The following CLCN6 variants were observed in gnomAD, a reference collection of about 807,000 sequenced individuals.
CLCN6 encodes Cl-/H+ antiporter 6, also known as H(+)/Cl(-) exchange transporter 6.
CLCN6 carries 70 observed loss-of-function variants against 109.8 expected under a neutral mutation model. The observed-to-expected ratio is 0.64, with a 90% CI of 0.53 to 0.78. CLCN6 has a LOEUF of 0.78. CLCN6 is among the 30% of genes least tolerant of loss of function. The pLI is 0.00. For missense variants in CLCN6, 984 were observed against 1,142.3 expected (o/e 0.86, Z 2.00); for synonymous variants, 444 against 447.8 (o/e 0.99, Z 0.11).
At chr1:11,821,453 G>A (rs560647691) in intron 5 of CLCN6, among the ~76,000 whole-genome samples, 4 of 152,174 alleles carry the variant, frequency 2.6e-5, no homozygotes, top group Non-Finnish European at 5.9e-5. Context: ...ATACTTGGGA[G>A]GCAGAGGCAG....
rs1644947943 is a variant in CLCN6, at chr1:11,836,211, C to A, written c.1980+58C>A. 2.3e-5 allele frequency: 35 copies of A among 1,501,084 alleles called. No individual in the cohort carries two copies. In the South Asian group the frequency reaches 4.3e-4, roughly 18 times the overall value. The allele number at this position is 1,501,084 out of a possible 1,614,324, so 93.0% of individuals were successfully genotyped here. ...GAGAGACAAGCGGTCCCGTCTCACA[C>A]GGCTTAGTGCTTTGCCCACCCCTGG... On this transcript the variant is annotated intron_variant, in intron 18 of 22. Transcript: ENST00000346436.
intron 4 of CLCN6, among the ~76,000 whole-genome samples, chr1:11,819,194 A>G (rs949952161): frequency 6.6e-6 from 1 of 152,178 alleles, no homozygotes; most frequent in African/African-American, 2.4e-5. Flanking sequence ...CTGTGTCAGT[A>G]GTCTTTCTTG....
Position 11,829,185 on chromosome 1 carries a change from T to G in CLCN6, c.1122-11T>G. 1 of 1,612,822 alleles carries G rather than the reference T, an allele frequency of 6.2e-7. No homozygotes were observed. The highest frequency in any genetic ancestry group is 8.5e-7 in the Non-Finnish European group (1 of 1,179,260). ...TCTGTGGCGTTGTAACAGCTGTGCT[T>G]TGCCTCCTAGAGTCTTAGAGAGCCT... On this transcript the variant is annotated splice_polypyrimidine_tract_variant and intron_variant, in intron 12 of 22. Coordinates refer to ENST00000346436, the MANE Select transcript of CLCN6 (RefSeq NM_001286.5).
At chr1:11,826,965 C>A in intron 9 of CLCN6, 124 bp from the exon 10 acceptor site, 1 of 1,239,092 alleles carries the variant, frequency 8.1e-7, no homozygotes, top group Non-Finnish European at 1.1e-6. Flanking sequence ...AGTGACCTGC[C>A]CTTCCAGGAT....
At chr1:11,839,178 A>G (rs1557436913) in intron 22 of CLCN6, 1 of 567,764 alleles carries the variant, frequency 1.8e-6, no homozygotes, top group South Asian at 2.3e-5. Flanking sequence ...GCAAAAAACA[A>G]GCAAAAACCA....
In CLCN6 at chr1:11,838,474, G is replaced by A. The variant is rs754538555; in HGVS notation, c.2403+32G>A. The stretch of plus-strand genomic sequence containing the variant: ...AGGGCTGCCCCGGCCTGTCCCATGC[G>A]GAGCTGCCTCTTCATGCCGTTGGCG... On this transcript the variant is annotated intron_variant, in intron 21 of 22. Coordinates refer to ENST00000346436, the MANE Select transcript of CLCN6 (RefSeq NM_001286.5). 1.2e-5 allele frequency: 19 copies of A among 1,609,190 alleles called. No homozygotes were observed. In the East Asian group the frequency reaches 1.6e-4, roughly 13 times the overall value.
At chr1:11,835,888 G>A in intron 17 of CLCN6, 79 bp from the exon 18 acceptor site, 1 of 1,390,854 alleles carries the variant, frequency 7.2e-7, no homozygotes, top group South Asian at 1.3e-5. Flanking sequence ...TCTGAGCAGG[G>A]CTGGAGAGCC....
chr1:11,828,954 A>G (rs1460619046), intron 12 of CLCN6, among the ~76,000 whole-genome samples: 1 of 152,242 alleles, frequency 6.6e-6, no homozygotes, highest in Non-Finnish European at 1.5e-5. Context: ...ATGGAAAGCC[A>G]TTCATTCCTT....
At chr1:11,808,227 T>TGTGTGTG (rs1644548460) in intron 2 of CLCN6, among the ~76,000 whole-genome samples, 1 of 139,160 alleles carries the variant, frequency 7.2e-6, no homozygotes, top group Non-Finnish European at 1.5e-5. Flanking sequence ...GTGTGTGTGT[T>TGTGTGTG]TGTGTGTGTG....
At position 11,841,821 on chromosome 1, in the gene CLCN6, G is replaced by A. The variant is rs965860270; in HGVS notation, c.*1598G>A. The A allele has an allele frequency of 2.0e-5, 3 of 152,198 alleles. No homozygotes were observed. Among genetic ancestry groups the A allele is most frequent in the African/African-American group, 7.2e-5 (3 of 41,428 alleles). The allele number at this position is 152,198 out of a possible 1,614,324, so 9.4% of individuals were successfully genotyped here. ...GCTTCAAGGTCTTTTCTAGCTGATT[G>A]TGGCCCCTCCATTTTCCCCATTTTC... On this transcript the variant is annotated 3_prime_UTR_variant, in exon 23 of 23. Transcript: ENST00000346436.
rs557018718 is a variant in CLCN6 at position 11,840,673 on chromosome 1, T to C, written c.*450T>C. The C allele has an allele frequency of 2.2e-5, 5 of 228,360 alleles. No individual in the cohort carries two copies. Among genetic ancestry groups the C allele is most frequent in the South Asian group, 2.0e-4 (3 of 14,860 alleles). 14.1% of individuals were successfully genotyped at this position (228,360 alleles called of 1,614,324 possible). A position where few individuals can be genotyped will look rare whatever the true frequency, so the allele number is the denominator to read the frequency against. On this transcript the variant is annotated 3_prime_UTR_variant, in exon 23 of 23. Coordinates refer to ENST00000346436, the MANE Select transcript of CLCN6 (RefSeq NM_001286.5). ...GATGCCAGTGACAACATACAGTTCA[T>C]GACTAGGTTTAGGAATTGGGCACTG...
chr1:11,818,274 G>A (rs1199400513), intron 4 of CLCN6, among the ~76,000 whole-genome samples: 1 of 152,108 alleles, frequency 6.6e-6, no homozygotes, highest in Non-Finnish European at 1.5e-5. Flanking sequence ...TACAGGTTGA[G>A]TGTTCCTTAT....
chr1:11,833,060 C>A (rs951280428), intron 13 of CLCN6, among the ~76,000 whole-genome samples: 3 of 149,932 alleles, frequency 2.0e-5, no homozygotes, highest in African/African-American at 7.4e-5. Context: ...AAATCAAAGG[C>A]TTTTTCTATT....
chr1:11,816,714 A>G (rs372596417), intron 4 of CLCN6, 34 bp downstream of exon 4: 6 of 1,579,574 alleles, frequency 3.8e-6, no homozygotes, highest in South Asian at 2.3e-5. Flanking sequence ...ATGGTGGGCC[A>G]TAGGGCTGGA....
At chr1:11,830,779 TATATAC>T (rs1380623305) in intron 13 of CLCN6, among the ~76,000 whole-genome samples, 2 of 118,578 alleles carry the variant, frequency 1.7e-5, no homozygotes, top group African/African-American at 8.6e-5. Flanking sequence ...ACACACACTA[TATATAC>T]ACACACACAC....
chr1:11,831,094 A>G (rs918982431), intron 13 of CLCN6, among the ~76,000 whole-genome samples: 3 of 151,814 alleles, frequency 2.0e-5, no homozygotes, highest in Non-Finnish European at 4.4e-5. Flanking sequence ...CGGCCTCCCA[A>G]ATTGCTAGGA....
rs200273699 is a variant in CLCN6, at chr1:11,836,183, G to A, written c.1980+30G>A. ...AGAAAACGGCATGAGAGGAAAGGCA[G>A]GTGAGAGACAAGCGGTCCCGTCTCA... On this transcript the variant is annotated intron_variant, in intron 18 of 22. Coordinates refer to ENST00000346436, the MANE Select transcript of CLCN6 (RefSeq NM_001286.5). 1.2e-4 allele frequency: 196 copies of A among 1,598,424 alleles called. 1 individual carries two copies. In the East Asian group the frequency reaches 3.7e-3, roughly 31 times the overall value.
intron 1 of CLCN6, chr1:11,806,558 A>G (rs2100593949): frequency 2.1e-6 from 1 of 475,896 alleles, no homozygotes; most frequent in Non-Finnish European, 3.7e-6. Context: ...AATCTGAGGG[A>G]GAATCCAGGC....
At chr1:11,830,977 G>A (rs1644877283) in intron 13 of CLCN6, among the ~76,000 whole-genome samples, 1 of 151,576 alleles carries the variant, frequency 6.6e-6, no homozygotes, top group Non-Finnish European at 1.5e-5. Context: ...GGGATTACAG[G>A]CACCCACCAC....
Sources: allele counts gnomAD v4.1 joint callset (sites outside exome capture counted in the v4.1 genomes callset), GRCh38; gene constraint gnomAD v4.1.1; transcripts MANE v1.5; gene names NCBI Gene and HGNC (gene_info 2026-07-23, HGNC 2026-07-21).